DCLK3: variants seen among roughly 807,000 people sequenced by gnomAD.
DCLK3 encodes serine/threonine-protein kinase DCLK3.
DCLK3 carries 30 observed loss-of-function variants against 46.4 expected under a neutral mutation model. That is an observed-to-expected ratio of 0.65 (90% CI 0.48 to 0.88). The LOEUF (loss-of-function observed/expected upper bound fraction) is 0.88, where lower values mean the gene tolerates loss of function less well. DCLK3 is among the 40% of genes least tolerant of loss of function. The probability of loss-of-function intolerance (pLI) is 0.00; values close to 1 mark genes in which losing one functional copy is unlikely to be tolerated. For synonymous variants in DCLK3, 401 were observed against 339.2 expected, an observed-to-expected ratio of 1.18 and a Z score of -2.00; for missense variants, 846 against 907.1, an observed-to-expected ratio of 0.93 and a Z score of 0.87.
Position 36,737,360 on chromosome 3 carries a change from C to T in DCLK3, c.1807G>A (p.Val603Met), listed in dbSNP as rs369687833. 6.2e-7 allele frequency: 1 copy of T among 1,614,162 alleles called. No individual in the cohort carries two copies. The highest frequency in any genetic ancestry group is 8.5e-7 in the Non-Finnish European group (1 of 1,180,026). Residue 603 changes from valine (V) to methionine (M), a missense_variant, in exon 2 of 5, where the codon GTG becomes ATG. Val to Met is a conservative substitution (Grantham distance 21). This residue lies in a region of DCLK3 where 247 missense variants were observed against 322.8 expected (regional missense o/e 0.77). Transcript: ENST00000636136. The surrounding 1 kb of genome is among the most constrained non-coding windows in gnomAD (Gnocchi z 4.4). ...GCGTCAAAAAGGTCTCCTCCCTGCA[C>T]GTACTCCAGGATCAGGTAGATTTCC... ...DMEIYLILEY[V>M]QGGDLFDAII...
chr3:36,721,447 T>C (rs1009579662), intron 3 of DCLK3, 80 bp downstream of exon 3: 22 of 1,544,844 alleles, frequency 1.4e-5, no homozygotes, highest in Non-Finnish European at 1.9e-5. Context: ...TTATTCCATA[T>C]TGAAAACTAG....
intron 1 of DCLK3, among the ~76,000 whole-genome samples, chr3:36,754,013 T>C (rs1470406201): frequency 1.3e-5 from 2 of 152,200 alleles, no homozygotes; most frequent in East Asian, 1.9e-4. Flanking sequence ...TATGTATTCC[T>C]GTCTTTCATT....
chr3:36,756,676 A>G (rs1701487112), intron 1 of DCLK3, among the ~76,000 whole-genome samples: 1 of 152,142 alleles, frequency 6.6e-6, no homozygotes, highest in East Asian at 1.9e-4. Flanking sequence ...TGTTATTGCT[A>G]GGAAATCTGC....
rs1409625882 is a variant in DCLK3 at position 36,738,081 on chromosome 3, A to T, written c.1086T>A (p.Ser362Arg). 8 of 1,612,746 alleles carry T rather than the reference A, an allele frequency of 5.0e-6. No homozygotes were observed. Among genetic ancestry groups the T allele is most frequent in the Non-Finnish European group, 6.8e-6 (8 of 1,179,562 alleles). ...TGTCACCCTTCCACCCTTCCTCCCC[A>T]CTTGCAGGATTTGCCTCGGGAGACC... is the stretch of plus-strand genomic sequence containing the variant. Reference protein sequence around the residue: ...CRRSPEANPASGEEGWKGDSH... With the variant: ...CRRSPEANPARGEEGWKGDSH... Residue 362 changes from serine to arginine, a missense_variant, in exon 2 of 5, where the codon AGT becomes AGA. Ser to Arg is a moderately radical substitution (Grantham distance 110, BLOSUM62 -1). This residue lies in a region of DCLK3 where 553 missense variants were observed against 543.0 expected (regional missense o/e 1.02). Transcript: ENST00000636136.
rs1051629334 is a variant in DCLK3 at position 36,714,085 on chromosome 3, G to C, written c.*1243C>G. Reference sequence around the variant, plus strand: ...TCTAATAACCCCAACTTCTTCCCTTGGTTCTCCAAAGAACAGGAGCCACTT... The same window carrying C: ...TCTAATAACCCCAACTTCTTCCCTTCGTTCTCCAAAGAACAGGAGCCACTT... On this transcript the variant is annotated 3_prime_UTR_variant, in exon 5 of 5. Transcript: ENST00000636136. 6.6e-6 allele frequency: 1 copy of C among 152,152 alleles called. No homozygotes were observed. The highest frequency in any genetic ancestry group is 1.5e-5 in the Non-Finnish European group (1 of 68,052). The allele number at this position is 152,152 out of a possible 1,614,324, so 9.4% of individuals were successfully genotyped here.
intron 1 of DCLK3, among the ~76,000 whole-genome samples, chr3:36,746,726 C>T (rs186760783): frequency 9.2e-5 from 14 of 152,344 alleles, no homozygotes; most frequent in South Asian, 4.1e-4. Context: ...CTGTCACTGA[C>T]GTGTCTCCTT....
chr3:36,712,700 A>T lies in DCLK3; in HGVS notation c.*2628T>A, dbSNP rs1005671418. ...AATAGTATGTAAATGAAATAATCAA[A>T]ATGTAGTCTTTTTTTTCTTCTTTCA... On this transcript the variant is annotated 3_prime_UTR_variant, in exon 5 of 5. Coordinates refer to ENST00000636136, the MANE Select transcript of DCLK3 (RefSeq NM_001394672.2). The T allele has an allele frequency of 2.6e-5, 4 of 152,126 alleles. No individual in the cohort carries two copies. Among genetic ancestry groups the T allele is most frequent in the African/African-American group, 9.7e-5 (4 of 41,410 alleles). The allele number at this position is 152,126 out of a possible 1,614,324, so 9.4% of individuals were successfully genotyped here. A position where few individuals can be genotyped will look rare whatever the true frequency, so the allele number is the denominator to read the frequency against.
At chr3:36,753,279 C>A (rs561794962) in intron 1 of DCLK3, among the ~76,000 whole-genome samples, 83 of 152,294 alleles carry the variant, frequency 5.4e-4, no homozygotes, top group African/African-American at 1.9e-3. Context: ...GTCCCACTCC[C>A]TCCTCCCAAT....
At chr3:36,717,975 G>T (rs182724793) in intron 4 of DCLK3, 35 bp downstream of exon 4, 17 of 1,612,700 alleles carry the variant, frequency 1.1e-5, no homozygotes, top group Non-Finnish European at 1.4e-5. Context: ...AAACCCATCC[G>T]CTCCTCTGCT....
At chr3:36,739,299 G>A (rs982752298) in intron 1 of DCLK3, among the ~76,000 whole-genome samples, 1 of 152,192 alleles carries the variant, frequency 6.6e-6, no homozygotes, top group Non-Finnish European at 1.5e-5. Flanking sequence ...CATTGGGCTT[G>A]CAGTGATTCC....
Position 36,715,433 on chromosome 3 carries a change from T to C in DCLK3, c.2349A>G (p.Glu783=), listed in dbSNP as rs753143970. The stretch of plus-strand genomic sequence containing the variant: ...TCACTGTATTGGTCTTGCCAGCTGT[T>C]TCGATCCAGGGGTGCTGAAGAACCT... ...AHQVLQHPWI[E]TAGKTNTVKR... The change falls in exon 5 of 5, where the codon GAA becomes GAG. Residue 783 remains glutamate (E), a synonymous_variant. Transcript: ENST00000636136. 1.9e-6 allele frequency: 3 copies of C among 1,613,688 alleles called. No homozygotes were observed. In the South Asian group the frequency reaches 3.3e-5, roughly 18 times the overall value.
chr3:36,745,655 C>T (rs1321402796), intron 1 of DCLK3, among the ~76,000 whole-genome samples: 16 of 152,166 alleles, frequency 1.1e-4, no homozygotes, highest in Admixed American at 6.5e-5. Context: ...GTATGCAGTG[C>T]TGAGAGAGTA....
intron 1 of DCLK3, among the ~76,000 whole-genome samples, chr3:36,758,395 A>T (rs1701507169): frequency 6.6e-6 from 1 of 152,156 alleles, no homozygotes; most frequent in Non-Finnish European, 1.5e-5. Flanking sequence ...CTTAGTCCCC[A>T]TTGTGGTGAT....
chr3:36,755,460 T>C (rs1303911872), intron 1 of DCLK3, among the ~76,000 whole-genome samples: 1 of 152,174 alleles, frequency 6.6e-6, no homozygotes, highest in Non-Finnish European at 1.5e-5. Context: ...GTTAGAATGA[T>C]TCTTATTCAA....
At chr3:36,731,474 CA>C (rs1701198194) in intron 2 of DCLK3, among the ~76,000 whole-genome samples, 1 of 152,058 alleles carries the variant, frequency 6.6e-6, no homozygotes, top group African/African-American at 2.4e-5. Context: ...CACACACACA[CA>C]CACACACCCT....
At chr3:36,746,329 A>G (rs1701392921) in intron 1 of DCLK3, among the ~76,000 whole-genome samples, 1 of 152,184 alleles carries the variant, frequency 6.6e-6, no homozygotes, top group African/African-American at 2.4e-5. Flanking sequence ...TCGCAAATTT[A>G]AAGATGGGAT....
At chr3:36,741,526 T>C (rs1701344503) in intron 1 of DCLK3, among the ~76,000 whole-genome samples, 1 of 152,148 alleles carries the variant, frequency 6.6e-6, no homozygotes, top group South Asian at 2.1e-4. Context: ...AAAGAGGATG[T>C]AATGAAATCC....
chr3:36,743,992 A>G (rs1197802485), intron 1 of DCLK3, among the ~76,000 whole-genome samples: 1 of 152,210 alleles, frequency 6.6e-6, no homozygotes, highest in East Asian at 1.9e-4. Context: ...TTTAGCACAA[A>G]TGCCTGAGAC....
intron 1 of DCLK3, among the ~76,000 whole-genome samples, chr3:36,750,998 A>C (rs1166579919): frequency 7.1e-6 from 1 of 140,778 alleles, no homozygotes; most frequent in African/African-American, 2.6e-5. Flanking sequence ...TAAGTCACAC[A>C]GTGTTCCTGC....
Sources: gnomAD v4.1 joint callset for allele counts (sites outside exome capture counted in the v4.1 genomes callset) on GRCh38, gnomAD v4.1.1 for gene constraint, gnomAD v4.1.1 regional missense constraint, Gnocchi (gnomAD v3.1) non-coding constraint, MANE v1.5 for transcripts, NCBI Gene and HGNC (gene_info 2026-07-23, HGNC 2026-07-21) for gene names.